Variants in ATRNL1 observed in about 807,000 individuals in gnomAD.
ATRNL1 encodes the protein attractin-like protein 1.
A neutral mutation model predicts 182.7 loss-of-function variants in ATRNL1; 95 were observed. The ratio of observed to expected loss-of-function variants is 0.52; its 90% CI spans 0.44 to 0.62. The LOEUF (loss-of-function observed/expected upper bound fraction) is 0.62. ATRNL1 is among the 20% of genes least tolerant of loss of function. The pLI is 0.00. For missense variants in ATRNL1, 1,471 were observed against 1,679.5 expected (o/e 0.88, Z 2.17); for synonymous variants, 576 against 568.3 (o/e 1.01, Z -0.19).
At chr10:115,742,644 C>A (rs1555067970) in intron 27 of ATRNL1, among the ~76,000 whole-genome samples, 1 of 152,162 alleles carries the variant, frequency 6.6e-6, no homozygotes, top group Non-Finnish European at 1.5e-5. Context: ...CTAAGTATAT[C>A]TTAAATGAAT....
At chr10:115,597,973 A>G (rs1555014713) in intron 26 of ATRNL1, 1 of 162,144 alleles carries the variant, frequency 6.2e-6, no homozygotes, top group African/African-American at 2.4e-5. Flanking sequence ...TGTTTTAAAA[A>G]TTTAAAAAGC....
chr10:115,516,095 C>A (rs550604513), intron 24 of ATRNL1, among the ~76,000 whole-genome samples: 96 of 151,884 alleles, frequency 6.3e-4, no homozygotes, highest in African/African-American at 2.2e-3. Flanking sequence ...TAAATCTAAC[C>A]TTTCCTGTGA....
chr10:115,284,696 T>C (rs1852523873), intron 14 of ATRNL1, among the ~76,000 whole-genome samples: 1 of 152,186 alleles, frequency 6.6e-6, no homozygotes, highest in Non-Finnish European at 1.5e-5. Context: ...GTTATGGGTT[T>C]ACCATGGAGT....
chr10:115,861,453 A>T (rs1951314931), intron 28 of ATRNL1, among the ~76,000 whole-genome samples: 1 of 152,152 alleles, frequency 6.6e-6, no homozygotes, highest in African/African-American at 2.4e-5. Flanking sequence ...CTAGCTGTAA[A>T]TTCACACTTT....
chr10:115,728,619 T>C (rs752804496), intron 27 of ATRNL1, among the ~76,000 whole-genome samples: 1 of 152,146 alleles, frequency 6.6e-6, no homozygotes, highest in Non-Finnish European at 1.5e-5. Context: ...GTCTGTAGCA[T>C]TTTTGTTTTT....
chr10:115,941,656 T>A (rs988593180), intron 28 of ATRNL1, among the ~76,000 whole-genome samples: 2 of 152,200 alleles, frequency 1.3e-5, no homozygotes, highest in Non-Finnish European at 2.9e-5. Context: ...TTTGTCATAT[T>A]TGGCTGTCTC....
At chr10:115,221,641 G>C (rs1554897478) in intron 9 of ATRNL1, among the ~76,000 whole-genome samples, 1 of 152,062 alleles carries the variant, frequency 6.6e-6, no homozygotes, top group African/African-American at 2.4e-5. Flanking sequence ...TAGAAATCCT[G>C]GAAACCTCCT....
intron 10 of ATRNL1, among the ~76,000 whole-genome samples, chr10:115,256,538 T>G (rs1250771322): frequency 6.6e-6 from 1 of 152,198 alleles, no homozygotes; most frequent in Non-Finnish European, 1.5e-5. Context: ...TTCTTCTTTA[T>G]TAGTCTTGCT....
At chr10:115,926,358 G>T (rs897358200) in intron 28 of ATRNL1, among the ~76,000 whole-genome samples, 21 of 151,880 alleles carry the variant, frequency 1.4e-4, no homozygotes, top group Non-Finnish European at 3.1e-4. Flanking sequence ...AGCTAGAGAG[G>T]CAAGAGCAAA....
intron 27 of ATRNL1, among the ~76,000 whole-genome samples, chr10:115,792,434 C>T (rs953024960): frequency 6.6e-6 from 1 of 152,088 alleles, no homozygotes; most frequent in Non-Finnish European, 1.5e-5. Flanking sequence ...TGGGCAATCA[C>T]TACACTATCA....
At position 115,805,663 on chromosome 10, in the gene ATRNL1, T is replaced by G. The variant is rs558470481; in HGVS notation, c.3904-42214T>G. ...TGTCAGGGTTCTGTTTCTTCAGCTG[T>G]AGAAGAAACCAGGGTTAGGGTTGGG... On this transcript the variant is annotated intron_variant, in intron 27 of 28. Coordinates refer to ENST00000355044, the MANE Select transcript of ATRNL1 (RefSeq NM_207303.4). 1.6e-3 allele frequency among the ~76,000 whole-genome samples: 248 copies of G among 152,190 alleles called. 11 individuals carry two copies. The South Asian group carries it at 0.049, about 30-fold the overall frequency.
intron 26 of ATRNL1, among the ~76,000 whole-genome samples, chr10:115,717,483 T>C (rs1947288578): frequency 6.6e-6 from 1 of 151,982 alleles, no homozygotes; most frequent in Non-Finnish European, 1.5e-5. Flanking sequence ...GTCTGTTTCT[T>C]GAATATTTTA....
intron 27 of ATRNL1, among the ~76,000 whole-genome samples, chr10:115,801,633 C>T (rs1366242169): frequency 3.3e-5 from 5 of 152,164 alleles, no homozygotes; most frequent in Non-Finnish European, 7.3e-5. Flanking sequence ...ATGATCTACA[C>T]TCACACAGCT....
intron 27 of ATRNL1, among the ~76,000 whole-genome samples, chr10:115,824,646 C>T (rs1271456524): frequency 6.6e-6 from 1 of 152,078 alleles, no homozygotes; most frequent in Non-Finnish European, 1.5e-5. Context: ...GACATTTATC[C>T]TGCCAACAAA....
At chr10:115,727,447 A>G (rs1004990960) in intron 27 of ATRNL1, 92 bp downstream of exon 27, 2 of 931,936 alleles carry the variant, frequency 2.1e-6, no homozygotes, top group African/African-American at 3.3e-5. Context: ...AGCCAAACAG[A>G]GTCTGATTAT....
At chr10:115,717,125 A>G (rs1353993764) in intron 26 of ATRNL1, among the ~76,000 whole-genome samples, 4 of 152,192 alleles carry the variant, frequency 2.6e-5, no homozygotes, top group Non-Finnish European at 5.9e-5. Context: ...GGTTACATAC[A>G]AAATTGACCT....
chr10:115,640,779 G>A (rs141920710), intron 26 of ATRNL1, among the ~76,000 whole-genome samples: 3,407 of 152,178 alleles, frequency 0.022, 118 homozygotes, highest in African/African-American at 0.078. Context: ...AGTTTAATTA[G>A]ATCCCATTTG....
chr10:115,864,304 A>C (rs1034972176), intron 28 of ATRNL1, among the ~76,000 whole-genome samples: 5 of 151,948 alleles, frequency 3.3e-5, no homozygotes, highest in Admixed American at 3.3e-4. Flanking sequence ...GAGAGAAGAG[A>C]GCAGTGGTTT....
chr10:115,575,217 A>C (rs139416124), intron 26 of ATRNL1, among the ~76,000 whole-genome samples: 211 of 152,270 alleles, frequency 1.4e-3, no homozygotes, highest in African/African-American at 4.7e-3. Flanking sequence ...GTTTTAGAAA[A>C]TATGTGTTGT....
Sources: gnomAD v4.1 joint callset for allele counts (sites outside exome capture counted in the v4.1 genomes callset) on GRCh38, gnomAD v4.1.1 for gene constraint, MANE v1.5 for transcripts, NCBI Gene and HGNC (gene_info 2026-07-23, HGNC 2026-07-21) for gene names.